The following SLC6A8 variants were observed in gnomAD, a reference collection of about 807,000 sequenced individuals.
SLC6A8 encodes the protein sodium- and chloride-dependent creatine transporter 1.
In SLC6A8, 6 loss-of-function variants were observed where a neutral mutation model predicts 48.3. That is an observed-to-expected ratio of 0.12 (90% CI 0.07 to 0.25). The LOEUF is 0.25. Ranked by LOEUF, SLC6A8 falls within the 10% of genes least tolerant of loss-of-function variation. The pLI, the probability that SLC6A8 is intolerant of heterozygous loss-of-function variation, is 1.00. For synonymous variants in SLC6A8, 245 were observed against 244.0 expected (o/e 1.00, Z -0.04); for missense variants, 260 against 551.5 (o/e 0.47, Z 5.29).
At position 153,693,783 on chromosome X, in the gene SLC6A8, C is replaced by T. The variant is rs1470957514; in HGVS notation, c.1142-122C>T. The T allele has an allele frequency of 4.8e-5, 39 of 804,661 alleles. No homozygotes were observed. The African/African-American group carries it at 7.5e-4, about 16-fold the overall frequency. 66.3% of individuals were successfully genotyped at this position (804,661 alleles called of 1,213,427 possible). ...GACCTCCCAGCCCCTGCCGCACGAC[C>T]CAGGGTTGACAGCGCCTCTGAGGCA... On this transcript the variant is annotated intron_variant, in intron 7 of 12. Transcript: ENST00000253122.
rs201555047 is a variant in SLC6A8 at position 153,693,870 on chromosome X, G to A, written c.1142-35G>A. On this transcript the variant is annotated intron_variant, in intron 7 of 12. Coordinates refer to ENST00000253122, the MANE Select transcript of SLC6A8 (RefSeq NM_005629.4). ...CAGGGTGCGCACAGGGCAGGACATC[G>A]GCTACAAGGTCTAGAGCCTGCACCT... is the stretch of plus-strand genomic sequence containing the variant. The A allele has an allele frequency of 6.1e-3, 6,473 of 1,063,645 alleles. 27 individuals carry two copies. The highest frequency in any genetic ancestry group is 0.02 in the South Asian group (990 of 50,443). 87.7% of individuals were successfully genotyped at this position (1,063,645 alleles called of 1,213,427 possible).
Position 153,696,271 on chromosome X carries a change from G to T in SLC6A8, c.*1057G>T. The T allele has an allele frequency of 1.7e-5, 5 of 299,274 alleles. No homozygotes were observed. In the Admixed American group the frequency reaches 1.7e-4, roughly 10 times the overall value. 24.7% of individuals were successfully genotyped at this position (299,274 alleles called of 1,213,427 possible). On this transcript the variant is annotated 3_prime_UTR_variant, in exon 13 of 13. Coordinates refer to ENST00000253122, the MANE Select transcript of SLC6A8 (RefSeq NM_005629.4). Reference sequence around the variant, plus strand: ...GCAATATTCCGTCCTGGGTGTCTGGGCTGCTAACCTGGCCTGCTCAGGCTT... The same window carrying T: ...GCAATATTCCGTCCTGGGTGTCTGGTCTGCTAACCTGGCCTGCTCAGGCTT...
At chrX:153,690,668 T>TG in intron 2 of SLC6A8, 162 bp downstream of exon 2, 1 of 589,000 alleles carries the variant, frequency 1.7e-6, no homozygotes, top group Non-Finnish European at 2.7e-6. Context: ...ACAGCGAACT[T>TG]GGGGAAGCGG....
At position 153,694,054 on chromosome X, in the gene SLC6A8, G is replaced by A. The variant is rs782266491; in HGVS notation, c.1254+37G>A. The A allele has an allele frequency of 2.4e-5, 28 of 1,187,995 alleles. No individual in the cohort carries two copies. The African/African-American group carries it at 3.3e-4, about 14-fold the overall frequency. ...GCTCTGGGACAGGGAGCCAGGAGGG[G>A]GGCGGAGGGAGGGCTGCAGGCAAGG... On this transcript the variant is annotated intron_variant, in intron 8 of 12. Transcript: ENST00000253122.
chrX:153,693,964 C>G lies in SLC6A8; in HGVS notation c.1201C>G (p.Leu401Val), dbSNP rs782378041. 4.7e-5 allele frequency: 55 copies of G among 1,176,192 alleles called. No homozygotes were observed. Among genetic ancestry groups the G allele is most frequent in the Non-Finnish European group, 4.6e-6 (4 of 877,699 alleles). Residue 401 changes from leucine (L) to valine (V), a missense_variant, in exon 8 of 13, where the codon CTC becomes GTC. Around this residue, in one of 7 missense-constraint regions of SLC6A8, gnomAD observed 75 missense variants for 248.8 expected, o/e 0.30. Transcript: ENST00000253122. ...TGTCACGCTGATGCCAGTGGCCCCA[C>G]TCTGGGCTGCCCTGTTCTTCTTCAT... The part of the protein sequence containing the change: ...RAVTLMPVAP[L>V]WAALFFFMLL...
intron 4 of SLC6A8, 88 bp from the exon 5 acceptor site, chrX:153,692,953 C>T (rs782281715): frequency 9.0e-7 from 1 of 1,105,459 alleles, no homozygotes; most frequent in East Asian, 3.0e-5. Flanking sequence ...TCTGAACATA[C>T]CTGCCCGCAA....
Position 153,695,646 on chromosome X carries a change from G to A in SLC6A8, c.*432G>A. On this transcript the variant is annotated 3_prime_UTR_variant, in exon 13 of 13. Transcript: ENST00000253122. The stretch of plus-strand genomic sequence containing the variant: ...AAGGAGGGAGAGACGGGAGGGAGGA[G>A]AGAGAGGAGAAGGGAGGCAGGGGAG... 1 of 186,189 alleles carries A rather than the reference G, an allele frequency of 5.4e-6. No homozygotes were observed. The highest frequency in any genetic ancestry group is 1.0e-5 in the Non-Finnish European group (1 of 99,961). 15.3% of individuals were successfully genotyped at this position (186,189 alleles called of 1,213,427 possible). A position where few individuals can be genotyped will look rare whatever the true frequency, so the allele number is the denominator to read the frequency against.
In SLC6A8 at chrX:153,690,898, C is replaced by CG. The variant is rs1557044287; in HGVS notation, c.394+392_394+393insG. The CG allele has an allele frequency of 2.1e-5, 5 of 239,369 alleles. 1 individual carries two copies. Among genetic ancestry groups the CG allele is most frequent in the Admixed American group, 1.7e-4 (3 of 17,532 alleles). The allele number at this position is 239,369 out of a possible 1,213,427, so 19.7% of individuals were successfully genotyped here. ...CTACCTCAGGCGACTAGAAACCCCC[C>CG]CCCCCCACCACCACCATCAACACCA... On this transcript the variant is annotated intron_variant, in intron 2 of 12. Coordinates refer to ENST00000253122, the MANE Select transcript of SLC6A8 (RefSeq NM_005629.4).
intron 2 of SLC6A8, 39 bp downstream of exon 2, chrX:153,690,545 C>G: frequency 1.7e-6 from 2 of 1,157,473 alleles, no homozygotes; most frequent in Non-Finnish European, 2.3e-6. Context: ...CTGCCCCCTT[C>G]TCCCAGCTGG....
chrX:153,696,225 A>G lies in SLC6A8; in HGVS notation c.*1011A>G, dbSNP rs2091491263. ...TGTCCCCACGCTGTCCCTTTGCCACAAGTCTGTGGGGCAAGAGGCTGCAAT... is the reference window on the plus strand; with the variant it reads ...TGTCCCCACGCTGTCCCTTTGCCACGAGTCTGTGGGGCAAGAGGCTGCAAT... On this transcript the variant is annotated 3_prime_UTR_variant, in exon 13 of 13. Transcript: ENST00000253122. 3.7e-6 allele frequency: 1 copy of G among 270,363 alleles called. No individual in the cohort carries two copies. Among genetic ancestry groups the G allele is most frequent in the Non-Finnish European group, 7.2e-6 (1 of 139,394 alleles). The allele number at this position is 270,363 out of a possible 1,213,427, so 22.3% of individuals were successfully genotyped here. A position where few individuals can be genotyped will look rare whatever the true frequency, so the allele number is the denominator to read the frequency against.
In SLC6A8 at chrX:153,696,119, G is replaced by C. The variant is rs782448743; in HGVS notation, c.*905G>C. 6.7e-5 allele frequency: 14 copies of C among 210,483 alleles called. No homozygotes were observed. In the East Asian group the frequency reaches 1.8e-3, roughly 28 times the overall value. The allele number at this position is 210,483 out of a possible 1,213,427, so 17.3% of individuals were successfully genotyped here. Reference sequence around the variant, plus strand: ...ACAAAAGCTTCGAGCTGTTGCGTGTGTGAGTCTGTTGTGTGGATGTGCGTG... The same window carrying C: ...ACAAAAGCTTCGAGCTGTTGCGTGTCTGAGTCTGTTGTGTGGATGTGCGTG... On this transcript the variant is annotated 3_prime_UTR_variant, in exon 13 of 13. Transcript: ENST00000253122.
intron 1 of SLC6A8, 35 bp downstream of exon 1, chrX:153,688,871 A>T: frequency 1.1e-6 from 1 of 949,079 alleles, no homozygotes; most frequent in Admixed American, 3.3e-5. Context: ...CTCCTCCCCC[A>T]GCAGGCCGCC....
rs782517934 is a variant in SLC6A8, at chrX:153,693,325, A to C, written c.975A>C (p.Thr325=). ...FSYAIGLGAL[T]ALGSYNRFNN... is the part of the protein sequence containing the mutation. ...ACGCCATTGGCCTGGGGGCCCTCAC[A>C]GCCCTGGGCAGCTACAACCGCTTCA... Residue 325 remains threonine (T), a synonymous_variant, in exon 6 of 13, where the codon ACA becomes ACC. Transcript: ENST00000253122. The C allele has an allele frequency of 6.1e-5, 74 of 1,209,647 alleles. No individual in the cohort carries two copies. The Middle Eastern group carries it at 1.4e-3, about 23-fold the overall frequency.
In SLC6A8 at chrX:153,694,552, C is replaced by A. The variant is rs151335200; in HGVS notation, c.1515C>A (p.Asp505Glu). 8.3e-7 allele frequency: 1 copy of A among 1,207,154 alleles called. No individual in the cohort carries two copies. The highest frequency in any genetic ancestry group is 1.1e-6 in the Non-Finnish European group (1 of 893,676). ...AWVYGADRFM[D>E]DIACMIGYRP... ...CCGCAGGAGCTGACCGCTTCATGGA[C>A]GACATTGCCTGTATGATCGGGTACC... The change falls in exon 11 of 13, where the codon GAC (aspartate) becomes GAA (glutamate). Residue 505 changes from aspartate to glutamate, a missense_variant. Asp to Glu is a conservative substitution (Grantham distance 45, BLOSUM62 2). This residue lies in a region of SLC6A8 where 87 missense variants were observed against 120.9 expected (regional missense o/e 0.72). Coordinates refer to ENST00000253122, the MANE Select transcript of SLC6A8 (RefSeq NM_005629.4).
Position 153,695,066 on chromosome X carries a change from T to C in SLC6A8, c.1768-8T>C. 1 of 1,199,750 alleles carries C rather than the reference T, an allele frequency of 8.3e-7. No homozygotes were observed. Among genetic ancestry groups the C allele is most frequent in the Non-Finnish European group, 1.1e-6 (1 of 889,254 alleles). The stretch of plus-strand genomic sequence containing the variant: ...CTGGGGGCTTCAGCATGTCCTCCTC[T>C]CCTGCAGCGCTGGCAGCACCTGACC... On this transcript the variant is annotated splice_polypyrimidine_tract_variant and splice_region_variant and intron_variant, in intron 12 of 12. Transcript: ENST00000253122.
rs782646311 is a variant in SLC6A8, at chrX:153,695,253, T to C, written c.*39T>C. 2.5e-5 allele frequency: 29 copies of C among 1,156,854 alleles called. No homozygotes were observed. The highest frequency in any genetic ancestry group is 3.1e-5 in the Non-Finnish European group (27 of 861,630). ...ATCACCAGCTCACCTCTGGTAGCCA[T>C]AGCAGCCCCTGCTTCAGCCCCACCG... is the stretch of plus-strand genomic sequence containing the variant. On this transcript the variant is annotated 3_prime_UTR_variant, in exon 13 of 13. Transcript: ENST00000253122.
Position 153,695,849 on chromosome X carries a change from T to C in SLC6A8, c.*635T>C, listed in dbSNP as rs1251404162. The C allele has an allele frequency of 3.1e-5, 4 of 129,853 alleles. No homozygotes were observed. Among genetic ancestry groups the C allele is most frequent in the Non-Finnish European group, 6.3e-5 (4 of 63,856 alleles). 10.7% of individuals were successfully genotyped at this position (129,853 alleles called of 1,213,427 possible). ...CGCGTGCGTGAGTACGGAGAGTATA[T>C]ATAGATCTCTATCTCTTAGCAAAGG... is the stretch of plus-strand genomic sequence containing the variant. On this transcript the variant is annotated 3_prime_UTR_variant, in exon 13 of 13. Transcript: ENST00000253122.
At chrX:153,691,072 G>A in intron 2 of SLC6A8, 1 of 411,392 alleles carries the variant, frequency 2.4e-6, no homozygotes, top group South Asian at 3.2e-5. Flanking sequence ...GGAGGAGAGG[G>A]GCTCGCTCTG....
At position 153,690,522 on chromosome X, in the gene SLC6A8, C is replaced by G. The variant is rs1192685793; in HGVS notation, c.394+16C>G. Reference sequence around the variant, plus strand: ...CTGTTCAAAGGTGAGCAGCCCTTGGCCAGCCTCAGGGACTGCCCCCTTCTC... The same window carrying G: ...CTGTTCAAAGGTGAGCAGCCCTTGGGCAGCCTCAGGGACTGCCCCCTTCTC... On this transcript the variant is annotated intron_variant, in intron 2 of 12. Transcript: ENST00000253122. 1 of 1,171,629 alleles carries G rather than the reference C, an allele frequency of 8.5e-7. No homozygotes were observed. The highest frequency in any genetic ancestry group is 1.8e-5 in the African/African-American group (1 of 56,398).
Sources: gnomAD v4.1 joint callset for allele counts on GRCh38, gnomAD v4.1.1 for gene constraint, gnomAD v4.1.1 regional missense constraint, MANE v1.5 for transcripts, NCBI Gene and HGNC (gene_info 2026-07-23, HGNC 2026-07-21) for gene names.